Variants in TRRAP observed in about 807,000 individuals in gnomAD.
TRRAP encodes transformation/transcription domain associated protein.
A neutral mutation model predicts 438.8 loss-of-function variants in TRRAP; 41 were observed. The observed-to-expected ratio is 0.09, with a 90% CI of 0.07 to 0.12. The LOEUF is 0.12. TRRAP is among the 10% of genes least tolerant of loss of function. The probability of loss-of-function intolerance (pLI) is 1.00; values close to 1 mark genes in which losing one functional copy is unlikely to be tolerated. For missense variants in TRRAP, 3,122 were observed against 5,055.1 expected, an observed-to-expected ratio of 0.62 and a Z score of 11.60; for synonymous variants, 1,994 against 1,962.9, an observed-to-expected ratio of 1.02 and a Z score of -0.42.
At chr7:98,903,918 T>G (rs1238247964) in intron 12 of TRRAP, among the ~76,000 whole-genome samples, 1 of 152,050 alleles carries the variant, frequency 6.6e-6, no homozygotes, top group African/African-American at 2.4e-5. Context: ...GGCACGGTTC[T>G]CGTGCCTCAG....
Position 98,921,839 on chromosome 7 carries a change from G to A in TRRAP, c.2709G>A (p.Arg903=). ...TCGGTAAGTTTGGCGGCAGTAACAG[G>A]AAGATGCTGAAGGAGTCGCAGAAGC... ...RVLGKFGGSN[R]KMLKESQKLH... Residue 903 remains arginine, a synonymous_variant, in exon 21 of 73, where the codon AGG becomes AGA. Coordinates refer to ENST00000456197, the MANE Select transcript of TRRAP (RefSeq NM_001375524.1). 6.2e-7 allele frequency: 1 copy of A among 1,614,238 alleles called. No individual in the cohort carries two copies. Among genetic ancestry groups the A allele is most frequent in the Non-Finnish European group, 8.5e-7 (1 of 1,180,052 alleles).
intron 18 of TRRAP, 141 bp from the exon 19 acceptor site, chr7:98,915,582 C>T: frequency 2.1e-6 from 2 of 960,672 alleles, no homozygotes; most frequent in Non-Finnish European, 1.5e-6. Context: ...TTGGAATATG[C>T]TTGTTTGGTT....
intron 62 of TRRAP, among the ~76,000 whole-genome samples, chr7:98,988,241 A>C (rs185621495): frequency 6.6e-6 from 1 of 152,356 alleles, no homozygotes; most frequent in Admixed American, 6.5e-5. Context: ...AAGTAAGCAT[A>C]GAGTTCCCAC....
intron 67 of TRRAP, chr7:98,999,003 G>A: frequency 6.0e-6 from 4 of 663,562 alleles, no homozygotes; most frequent in South Asian, 5.8e-5. Flanking sequence ...CCCACAGGCG[G>A]GGGCAGCACA....
chr7:98,984,764 T>G (rs1387646788), intron 61 of TRRAP, among the ~76,000 whole-genome samples, 180 bp from the exon 62 acceptor site: 2 of 152,238 alleles, frequency 1.3e-5, no homozygotes, highest in Non-Finnish European at 2.9e-5. Context: ...TTAGCTTTAG[T>G]AATTCAGTTT....
chr7:98,992,484 C>T (rs1793468845), intron 65 of TRRAP, among the ~76,000 whole-genome samples: 1 of 152,176 alleles, frequency 6.6e-6, no homozygotes, highest in South Asian at 2.1e-4. Flanking sequence ...GTGAAATTTT[C>T]AGCTTCAGAA....
At chr7:98,923,366 TTC>T (rs1275613346) in intron 21 of TRRAP, among the ~76,000 whole-genome samples, 22 of 152,204 alleles carry the variant, frequency 1.4e-4, no homozygotes, top group Non-Finnish European at 7.3e-5. Context: ...TGTCAAGGCA[TTC>T]TTTCTGAGCA....
chr7:99,000,624 C>T (rs1793878389), intron 67 of TRRAP, among the ~76,000 whole-genome samples: 1 of 152,288 alleles, frequency 6.6e-6, no homozygotes, highest in Non-Finnish European at 1.5e-5. Context: ...GCCGGCGTCA[C>T]TTGGGCAACT....
At chr7:98,972,553 T>C (rs1792466903) in intron 53 of TRRAP, among the ~76,000 whole-genome samples, 1 of 152,222 alleles carries the variant, frequency 6.6e-6, no homozygotes, top group African/African-American at 2.4e-5. Context: ...TCCAGGTGCA[T>C]CTGTGTTTGA....
rs367709123 is a variant in TRRAP at position 98,956,101 on chromosome 7, A to T, written c.5938-45A>T. Reference sequence around the variant, plus strand: ...TGCGCACACGTGCATGCACTGTGGGACCAAGCTCCCATGTTCCGGCGTGAT... The same window carrying T: ...TGCGCACACGTGCATGCACTGTGGGTCCAAGCTCCCATGTTCCGGCGTGAT... On this transcript the variant is annotated intron_variant, in intron 41 of 72. Transcript: ENST00000456197. The surrounding 1 kb of genome is among the most constrained non-coding windows in gnomAD (Gnocchi z 4.5). 106 of 1,497,164 alleles carry T rather than the reference A, an allele frequency of 7.1e-5. No individual in the cohort carries two copies. The African/African-American group carries it at 1.3e-3, about 19-fold the overall frequency. 92.7% of individuals were successfully genotyped at this position (1,497,164 alleles called of 1,614,324 possible).
At chr7:98,882,914 C>A (rs1795522470) in intron 3 of TRRAP, among the ~76,000 whole-genome samples, 1 of 152,232 alleles carries the variant, frequency 6.6e-6, no homozygotes, top group Non-Finnish European at 1.5e-5. Flanking sequence ...CTGCCTTGGC[C>A]TCCCATAGTG....
chr7:98,948,569 G>T lies in TRRAP; in HGVS notation c.4672G>T (p.Gly1558Trp). The stretch of plus-strand genomic sequence containing the variant: ...AGCATTCCCACATGTTTTGCAGGCG[G>T]GGAGTCCATTCCGAGAGCCCCTGAT... ...KTERAMLIEA[G>W]SPFREPLIKF... Residue 1558 changes from glycine to tryptophan, a missense_variant, in exon 35 of 73, where the codon GGG becomes TGG. Coordinates refer to ENST00000456197, the MANE Select transcript of TRRAP (RefSeq NM_001375524.1). The surrounding 1 kb of genome is among the most constrained non-coding windows in gnomAD (Gnocchi z 4.9). 6.2e-7 allele frequency: 1 copy of T among 1,614,196 alleles called. No individual in the cohort carries two copies. The highest frequency in any genetic ancestry group is 8.5e-7 in the Non-Finnish European group (1 of 1,180,040).
chr7:98,977,659 T>C (rs1792726176), intron 56 of TRRAP, among the ~76,000 whole-genome samples: 1 of 152,230 alleles, frequency 6.6e-6, no homozygotes, highest in African/African-American at 2.4e-5. Context: ...GTTTTGTTTT[T>C]GCTTACGTTT....
rs1035287983 is a variant in TRRAP, at chr7:98,899,540, T to G, written c.711+41T>G. The G allele has an allele frequency of 3.1e-6, 5 of 1,610,908 alleles. No homozygotes were observed. The East Asian group carries it at 1.1e-4, about 36-fold the overall frequency. ...ATTAGTCTCTTGGGTTTTGGGCTTC[T>G]TATAAGAAAATTGGCATCTGGGGCC... On this transcript the variant is annotated intron_variant, in intron 9 of 72. Transcript: ENST00000456197.
At position 98,921,916 on chromosome 7, in the gene TRRAP, C is replaced by T. The variant is rs782366607; in HGVS notation, c.2786C>T (p.Ser929Phe). Residue 929 changes from serine (S) to phenylalanine (F), a missense_variant, in exon 21 of 73, where the codon TCC becomes TTC. By Grantham distance (155) the Ser-to-Phe change is radical (BLOSUM62 -2). Transcript: ENST00000456197. ...GGCCCCAGCATCACTGTGGAGTTTT[C>T]CGACTGCAAAGCTTCTCTCCAGCTC... is the stretch of plus-strand genomic sequence containing the variant. ...VQGPSITVEF[S>F]DCKASLQLPM... 3.1e-6 allele frequency: 5 copies of T among 1,614,210 alleles called. No homozygotes were observed. In the Admixed American group the frequency reaches 6.7e-5, roughly 22 times the overall value.
At chr7:98,881,907 AAGTT>A in intron 2 of TRRAP, 64 bp from the exon 3 acceptor site, 1 of 1,541,540 alleles carries the variant, frequency 6.5e-7, no homozygotes, top group Non-Finnish European at 8.9e-7. Context: ...TACTAAATCC[AAGTT>A]TTGCATTAAC....
chr7:98,891,740 A>G (rs946004361), intron 4 of TRRAP, among the ~76,000 whole-genome samples: 2 of 149,134 alleles, frequency 1.3e-5, no homozygotes, highest in East Asian at 2.0e-4. Context: ...GGGTTTCACC[A>G]TGTTAGCCAG....
At chr7:98,958,520 G>C (rs748668808) in intron 44 of TRRAP, among the ~76,000 whole-genome samples, 1 of 152,068 alleles carries the variant, frequency 6.6e-6, no homozygotes, top group Non-Finnish European at 1.5e-5. Context: ...GGCTGGTCTC[G>C]AGCTCCTGAC....
chr7:98,927,771 G>A (rs1435030096), intron 23 of TRRAP, among the ~76,000 whole-genome samples: 1 of 151,840 alleles, frequency 6.6e-6, no homozygotes, highest in African/African-American at 2.4e-5. Flanking sequence ...CCCATGCCTC[G>A]CAGTCTCCCC....
Sources: allele counts gnomAD v4.1 joint callset (sites outside exome capture counted in the v4.1 genomes callset), GRCh38; gene constraint gnomAD v4.1.1; non-coding constraint Gnocchi (gnomAD v3.1); transcripts MANE v1.5; gene names NCBI Gene and HGNC (gene_info 2026-07-23, HGNC 2026-07-21).